ZMYND8: variants seen among roughly 807,000 people sequenced by gnomAD.
ZMYND8 encodes zinc finger MYND-type containing 8.
In ZMYND8, 37 loss-of-function variants were observed where a neutral mutation model predicts 140.8. The observed-to-expected ratio is 0.26, with a 90% CI of 0.20 to 0.35. The LOEUF (loss-of-function observed/expected upper bound fraction) is 0.35. Among genes scored for constraint, ZMYND8 ranks in the 10% least tolerant of loss-of-function variants. The pLI, the probability that ZMYND8 is intolerant of heterozygous loss-of-function variation, is 1.00. For synonymous variants in ZMYND8, 592 were observed against 597.1 expected, an observed-to-expected ratio of 0.99 and a Z score of 0.12; for missense variants, 1,068 against 1,570.0, an observed-to-expected ratio of 0.68 and a Z score of 5.40.
chr20:47,305,109 T>A (rs572537299), intron 3 of ZMYND8, among the ~76,000 whole-genome samples: 2 of 151,620 alleles, frequency 1.3e-5, no homozygotes, highest in Non-Finnish European at 2.9e-5. Context: ...CCAGGCATGT[T>A]GGGGAACAGC....
intron 15 of ZMYND8, 159 bp downstream of exon 15, chr20:47,238,599 T>A (rs1241414171): frequency 1.1e-5 from 15 of 1,362,274 alleles, no homozygotes; most frequent in Non-Finnish European, 1.5e-5. Flanking sequence ...AAACAATTTT[T>A]AAAAATAATG....
intron 2 of ZMYND8, among the ~76,000 whole-genome samples, chr20:47,312,968 G>A (rs2079056217): frequency 6.6e-6 from 1 of 152,042 alleles, no homozygotes. Flanking sequence ...TACAAACATA[G>A]TGGAAAAGGA....
intron 16 of ZMYND8, among the ~76,000 whole-genome samples, chr20:47,235,309 C>T (rs2039081146): frequency 6.6e-6 from 1 of 152,172 alleles, no homozygotes; most frequent in Admixed American, 6.5e-5. Context: ...ATTATTACCA[C>T]CGTGGTCTAA....
chr20:47,309,037 T>C (rs1265173557), intron 3 of ZMYND8, among the ~76,000 whole-genome samples: 1 of 152,196 alleles, frequency 6.6e-6, no homozygotes, highest in African/African-American at 2.4e-5. Flanking sequence ...TCCAGGGGGA[T>C]AGATACAATC....
intron 2 of ZMYND8, among the ~76,000 whole-genome samples, chr20:47,345,961 A>G (rs2082299841): frequency 1.3e-5 from 2 of 152,142 alleles, no homozygotes; most frequent in South Asian, 4.2e-4. Flanking sequence ...CCTGACCCCA[A>G]TCCACGTTTT....
chr20:47,246,451 T>A lies in ZMYND8; in HGVS notation c.1841A>T (p.Lys614Met), dbSNP rs2040571069. 1 of 1,613,850 alleles carries A rather than the reference T, an allele frequency of 6.2e-7. No individual in the cohort carries two copies. The highest frequency in any genetic ancestry group is 1.1e-5 in the South Asian group (1 of 91,068). Residue 614 changes from lysine (K) to methionine (M), a missense_variant, in exon 14 of 23, where the codon AAG (lysine) becomes ATG (methionine). This residue lies in a region of ZMYND8 where 383 missense variants were observed against 431.2 expected (regional missense o/e 0.89). Transcript: ENST00000471951. ...ATACTCACTATCGCTACTATCTGAC[T>A]TCTCAGAATCCTCCGAATCGCTGTG... ...VEHSDSEDSE[K>M]SDSSDSEYIS...
intron 11 of ZMYND8, among the ~76,000 whole-genome samples, chr20:47,266,254 T>G (rs1428481112): frequency 7.4e-6 from 1 of 135,014 alleles, no homozygotes; most frequent in East Asian, 2.4e-4. Context: ...CAAACACACC[T>G]GGATCATTCT....
intron 12 of ZMYND8, among the ~76,000 whole-genome samples, chr20:47,261,093 T>C (rs1386723945): frequency 6.6e-6 from 1 of 152,074 alleles, no homozygotes; most frequent in African/African-American, 2.4e-5. Flanking sequence ...TGGTGGTGCA[T>C]GCCTGTAATC....
intron 2 of ZMYND8, among the ~76,000 whole-genome samples, chr20:47,334,766 C>T (rs1193874122): frequency 6.6e-6 from 1 of 151,982 alleles, no homozygotes; most frequent in Non-Finnish European, 1.5e-5. Flanking sequence ...CACGCCACCA[C>T]ACTCAGCTAA....
intron 5 of ZMYND8, 111 bp downstream of exon 5, chr20:47,294,555 C>G: frequency 3.2e-6 from 3 of 937,078 alleles, no homozygotes; most frequent in Non-Finnish European, 5.0e-6. Flanking sequence ...TTTGGGGATG[C>G]AAGGAGGCCC....
rs1195197537 is a variant in ZMYND8 at position 47,286,175 on chromosome 20, AG to A, written c.804+1053del. On this transcript the variant is annotated intron_variant, in intron 8 of 22. Transcript: ENST00000471951. ...TATATAGATATAAATTTATAAGGAT[AG>A]ATTTTTTTTTTTTTTCTCGGAGACA... 9.0e-5 allele frequency among the ~76,000 whole-genome samples: 13 copies of A among 144,816 alleles called. No homozygotes were observed. In the South Asian group the frequency reaches 1.2e-3, roughly 13 times the overall value.
At chr20:47,332,337 G>C (rs1274947997) in intron 2 of ZMYND8, among the ~76,000 whole-genome samples, 1 of 151,920 alleles carries the variant, frequency 6.6e-6, no homozygotes, top group East Asian at 1.9e-4. Flanking sequence ...TGGCTTTGAA[G>C]AAGAGGACAG....
chr20:47,236,315 C>T lies in ZMYND8; in HGVS notation c.2856+11G>A, dbSNP rs747661832. The T allele has an allele frequency of 1.2e-6, 2 of 1,614,128 alleles. No homozygotes were observed. Among genetic ancestry groups the T allele is most frequent in the Non-Finnish European group, 1.7e-6 (2 of 1,179,996 alleles). On this transcript the variant is annotated intron_variant, in intron 16 of 22. Coordinates refer to ENST00000471951, the MANE Select transcript of ZMYND8 (RefSeq NM_001281775.3). Reference sequence around the variant, plus strand: ...TCTGCCATCTCCACGGTAGCTCTCCCATCCACTCACTTTGCTAGTGTACTT... The same window carrying T: ...TCTGCCATCTCCACGGTAGCTCTCCTATCCACTCACTTTGCTAGTGTACTT...
intron 10 of ZMYND8, 147 bp from the exon 11 acceptor site, chr20:47,276,942 GATTA>G (rs1424748626): frequency 1.3e-5 from 11 of 848,374 alleles, no homozygotes; most frequent in South Asian, 3.0e-5. Context: ...TGGTTTGAAG[GATTA>G]ATTAATGATC....
intron 10 of ZMYND8, among the ~76,000 whole-genome samples, chr20:47,280,836 C>A (rs2076563140): frequency 6.6e-6 from 1 of 152,132 alleles, no homozygotes; most frequent in South Asian, 2.1e-4. Flanking sequence ...CTCCCCGACC[C>A]TGTTTAAACC....
Position 47,287,848 on chromosome 20 carries a change from A to ACACACGCACACT in ZMYND8, c.749-565_749-564insAGTGTGCGTGTG, listed in dbSNP as rs1556005053. ...CTCTAGAAAAAAACAACACACACAC[A>ACACACGCACACT]CACGCACACACGCACACACATACAC... On this transcript the variant is annotated intron_variant, in intron 7 of 22. Transcript: ENST00000471951. Among the ~76,000 whole-genome samples the ACACACGCACACT allele has an allele frequency of 3.2e-4, 48 of 151,130 alleles. 1 individual carries two copies. Among genetic ancestry groups the ACACACGCACACT allele is most frequent in the Admixed American group, 1.1e-3 (16 of 15,182 alleles).
Position 47,282,221 on chromosome 20 carries a change from G to C in ZMYND8, c.883-4C>G. The C allele has an allele frequency of 1.9e-6, 3 of 1,609,704 alleles. No homozygotes were observed. The highest frequency in any genetic ancestry group is 2.5e-6 in the Non-Finnish European group (3 of 1,178,656). On this transcript the variant is annotated splice_polypyrimidine_tract_variant and splice_region_variant and intron_variant, in intron 9 of 22. Transcript: ENST00000471951. ...AGACCAAAGGATGTGGATTGCTCTA[G>C]GAAAAGAAAAACAAGATCCAGAGTT...
At chr20:47,284,114 G>C (rs1171385248) in intron 8 of ZMYND8, among the ~76,000 whole-genome samples, 2 of 152,110 alleles carry the variant, frequency 1.3e-5, no homozygotes, top group African/African-American at 4.8e-5. Context: ...GTAGAGACAG[G>C]GTTTTGCCAT....
intron 5 of ZMYND8, among the ~76,000 whole-genome samples, chr20:47,292,778 G>A (rs1467898804): frequency 2.0e-5 from 3 of 151,986 alleles, no homozygotes; most frequent in African/African-American, 2.4e-5. Flanking sequence ...GGGGCCAGGC[G>A]CCGTGACTCA....
Sources: allele counts gnomAD v4.1 joint callset (sites outside exome capture counted in the v4.1 genomes callset), GRCh38; gene constraint gnomAD v4.1.1; regional missense constraint gnomAD v4.1.1; transcripts MANE v1.5; gene names NCBI Gene and HGNC (gene_info 2026-07-23, HGNC 2026-07-21).